The following JAKMIP3 variants were observed in gnomAD, a reference collection of about 807,000 sequenced individuals.
JAKMIP3 encodes the protein Janus kinase and microtubule interacting protein 3, also known as janus kinase and microtubule-interacting protein 3.
Under a neutral mutation model 118.5 loss-of-function variants are expected in JAKMIP3, and 58 were observed. The observed-to-expected ratio is 0.49, with a 90% CI of 0.40 to 0.61. JAKMIP3 has a LOEUF of 0.61. Ranked by LOEUF, JAKMIP3 falls within the 20% of genes least tolerant of loss-of-function variation. The pLI, the probability that JAKMIP3 is intolerant of heterozygous loss-of-function variation, is 0.00. For missense variants in JAKMIP3, 950 were observed against 1,109.0 expected (o/e 0.86, Z 2.04); for synonymous variants, 486 against 451.2 (o/e 1.08, Z -0.98).
chr10:132,153,007 T>G lies in JAKMIP3; in HGVS notation c.2057T>G (p.Leu686Arg). ...QVVVIQARTVLTLAEKWLQQI... is the reference protein window; with the variant it reads ...QVVVIQARTVRTLAEKWLQQI... ...GTTGTCATACAAGCCAGGACAGTCC[T>G]GACCTTGGCCGAAAAGGTAACAGCA... Residue 686 changes from leucine to arginine, a missense_variant, in exon 17 of 24, where the codon CTG becomes CGG. By Grantham distance (102) the Leu-to-Arg change is moderately radical. Coordinates refer to ENST00000684848, the MANE Select transcript of JAKMIP3 (RefSeq NM_001323087.2). 1 of 1,608,716 alleles carries G rather than the reference T, an allele frequency of 6.2e-7. No homozygotes were observed. Among genetic ancestry groups the G allele is most frequent in the Non-Finnish European group, 8.5e-7 (1 of 1,177,882 alleles).
At chr10:132,065,579 C>CCGCT (rs1487166453), upstream of JAKMIP3, among the ~76,000 whole-genome samples, 2 of 152,108 alleles carry the variant, frequency 1.3e-5, no homozygotes, top group Non-Finnish European at 2.9e-5. The surrounding 1 kb of genome is among the most constrained non-coding windows in gnomAD (Gnocchi z 5.6). Context: ...GTGGCCTCTG[C>CCGCT]CGCTCGCTGG....
At chr10:132,066,586 G>C (rs74161717) in intron 1 of JAKMIP3, among the ~76,000 whole-genome samples, 2 of 152,028 alleles carry the variant, frequency 1.3e-5, no homozygotes, top group African/African-American at 4.8e-5. Flanking sequence ...TTTATGGCTT[G>C]AGGCCTCACC....
intron 1 of JAKMIP3, among the ~76,000 whole-genome samples, chr10:132,058,884 T>C (rs2038318125): frequency 6.6e-6 from 1 of 152,284 alleles, no homozygotes; most frequent in Non-Finnish European, 1.5e-5. Context: ...TCTGTGCTTC[T>C]GGTTCAGGAT....
At position 132,137,265 on chromosome 10, in the gene JAKMIP3, C is replaced by A. The variant is rs372888170; in HGVS notation, c.1260C>A (p.Thr420=). Residue 420 remains threonine (T), a synonymous_variant, in exon 8 of 24, where the codon ACC becomes ACA. Transcript: ENST00000684848. ...LIDELSKTLE[T]AGYVKSVLER... Reference sequence around the variant, plus strand: ...TCTTCCTTTCCTAGACCCTTGAGACCGCCGGCTACGTGAAGAGCGTGTTAG... The same window carrying A: ...TCTTCCTTTCCTAGACCCTTGAGACAGCCGGCTACGTGAAGAGCGTGTTAG... 2 of 1,613,742 alleles carry A rather than the reference C, an allele frequency of 1.2e-6. No individual in the cohort carries two copies. The highest frequency in any genetic ancestry group is 3.3e-5 in the Admixed American group (2 of 60,002).
intron 17 of JAKMIP3, 143 bp from the exon 18 acceptor site, chr10:132,153,616 C>A: frequency 1.3e-6 from 1 of 789,824 alleles, no homozygotes; most frequent in Non-Finnish European, 2.1e-6. Context: ...AGCCTCAACT[C>A]CCTGGAGAGG....
intron 3 of JAKMIP3, among the ~76,000 whole-genome samples, chr10:132,126,889 AT>A (rs920405789): frequency 3.3e-5 from 5 of 152,038 alleles, no homozygotes; most frequent in African/African-American, 1.2e-4. Context: ...TGGATTTAGG[AT>A]TTTTTCCCAC....
At chr10:132,134,053 G>A (rs1325506520) in intron 4 of JAKMIP3, among the ~76,000 whole-genome samples, 1 of 152,216 alleles carries the variant, frequency 6.6e-6, no homozygotes, top group South Asian at 2.1e-4. Context: ...CTCCTCCCTG[G>A]GCCGCTCTGT....
rs1294144543 is a variant in JAKMIP3 at position 132,152,866 on chromosome 10, CTCCCCAGTCAGCT to C, written c.2008-85_2008-73del. 840 of 1,026,110 alleles carry C rather than the reference CTCCCCAGTCAGCT, an allele frequency of 8.2e-4. 1 individual carries two copies. Among genetic ancestry groups the C allele is most frequent in the Middle Eastern group, 1.2e-3 (6 of 4,924 alleles). 63.6% of individuals were successfully genotyped at this position (1,026,110 alleles called of 1,614,324 possible). ...CCCCACCCAGGCGTCCCCAGTCAGCCTCCCCAGTCAGCTTCCCCATGCATCCATCACTCACCCT... is the reference window on the plus strand; with the variant it reads ...CCCCACCCAGGCGTCCCCAGTCAGCCTCCCCATGCATCCATCACTCACCCT... On this transcript the variant is annotated intron_variant, in intron 16 of 23. Transcript: ENST00000684848.
chr10:132,042,174 T>C (rs2037777098), intron 1 of JAKMIP3, among the ~76,000 whole-genome samples: 1 of 130,672 alleles, frequency 7.7e-6, no homozygotes, highest in African/African-American at 2.8e-5. Context: ...CTAGTTCACT[T>C]GCTCGCTCGC....
chr10:132,145,583 G>A lies in JAKMIP3; in HGVS notation c.1749+3G>A, dbSNP rs2054438699. ...GAAATCAAGAGCTTGTGGAAAAGGT[G>A]AGCCCCGAACCCCTGGAGGCCCTGG... On this transcript the variant is annotated splice_donor_region_variant and intron_variant, in intron 13 of 23. Transcript: ENST00000684848. 1 of 1,560,708 alleles carries A rather than the reference G, an allele frequency of 6.4e-7. No homozygotes were observed.
intron 1 of JAKMIP3, among the ~76,000 whole-genome samples, chr10:132,102,581 C>T (rs2045145160): frequency 1.3e-5 from 2 of 152,246 alleles, no homozygotes; most frequent in Admixed American, 6.5e-5. Context: ...CCCAGTTCAC[C>T]TGTCAGCCCC....
At position 132,147,994 on chromosome 10, in the gene JAKMIP3, G is replaced by C. The variant is rs1297378402; in HGVS notation, c.1792G>C (p.Val598Leu). 1 of 1,611,132 alleles carries C rather than the reference G, an allele frequency of 6.2e-7. No homozygotes were observed. The highest frequency in any genetic ancestry group is 8.5e-7 in the Non-Finnish European group (1 of 1,178,858). ...GGAAGAGGCTCGGCTCAGACACGAG[G>C]TGCAGGACGCCAGAGACCAAAACGA... The part of the protein sequence containing the change: ...ETEEARLRHE[V>L]QDARDQNELL... The change falls in exon 14 of 24, where the codon GTG (valine) becomes CTG (leucine). Residue 598 changes from valine to leucine, a missense_variant. Transcript: ENST00000684848.
At chr10:132,147,412 C>G (rs1384999142) in intron 13 of JAKMIP3, among the ~76,000 whole-genome samples, 1 of 152,200 alleles carries the variant, frequency 6.6e-6, no homozygotes, top group Non-Finnish European at 1.5e-5. Flanking sequence ...CCGGTTTACT[C>G]GTAACTGGTT....
At chr10:132,172,315 C>A (rs1369527120) in intron 23 of JAKMIP3, among the ~76,000 whole-genome samples, 1 of 152,080 alleles carries the variant, frequency 6.6e-6, no homozygotes, top group African/African-American at 2.4e-5. Flanking sequence ...ATCACTGAGG[C>A]CGTAACCTTG....
Position 132,110,119 on chromosome 10 carries a change from A to C in JAKMIP3, c.135+5176A>C, listed in dbSNP as rs979518283. On this transcript the variant is annotated intron_variant, in intron 2 of 23. Coordinates refer to ENST00000684848, the MANE Select transcript of JAKMIP3 (RefSeq NM_001323087.2). ...GTTCTGGACCTCAAGAGGGAAATCA[A>C]TGGCCAGCCAGAGGAGCCCTTCCCA... Among the ~76,000 whole-genome samples the C allele has an allele frequency of 7.6e-4, 115 of 152,294 alleles. 1 individual carries two copies. Among genetic ancestry groups the C allele is most frequent in the African/African-American group, 2.7e-3 (112 of 41,566 alleles).
rs1416962030 is a variant in JAKMIP3 at position 132,184,341 on chromosome 10, A to G, written c.*3088A>G. ...ACCGATACTAGAAGTCAAAAAGAAG[A>G]GAGTGCCCAAGTGTGGGTTTGGAGG... On this transcript the variant is annotated 3_prime_UTR_variant, in exon 24 of 24. Transcript: ENST00000684848. 6.6e-6 allele frequency: 1 copy of G among 152,222 alleles called. No homozygotes were observed. Among genetic ancestry groups the G allele is most frequent in the Non-Finnish European group, 1.5e-5 (1 of 68,046 alleles). 9.4% of individuals were successfully genotyped at this position (152,222 alleles called of 1,614,324 possible).
intron 1 of JAKMIP3, among the ~76,000 whole-genome samples, chr10:132,057,855 G>C (rs904309075): frequency 6.6e-6 from 1 of 152,184 alleles, no homozygotes; most frequent in African/African-American, 2.4e-5. Flanking sequence ...TCTCTGCAGT[G>C]GTTTTGGATC....
chr10:132,146,364 G>A (rs1422621561), intron 13 of JAKMIP3, among the ~76,000 whole-genome samples: 1 of 152,104 alleles, frequency 6.6e-6, no homozygotes, highest in Non-Finnish European at 1.5e-5. Context: ...CAGCACCGAG[G>A]GCCCTAGACT....
intron 1 of JAKMIP3, among the ~76,000 whole-genome samples, chr10:132,038,380 G>A (rs2037587624): frequency 6.6e-6 from 1 of 152,158 alleles, no homozygotes; most frequent in South Asian, 2.1e-4. Flanking sequence ...CCAGGCTCTG[G>A]GGTTTGGTCC....
Sources: allele counts gnomAD v4.1 joint callset (sites outside exome capture counted in the v4.1 genomes callset), GRCh38; gene constraint gnomAD v4.1.1; non-coding constraint Gnocchi (gnomAD v3.1); transcripts MANE v1.5; gene names NCBI Gene and HGNC (gene_info 2026-07-23, HGNC 2026-07-21).